HARS1: variants seen among roughly 807,000 people sequenced by gnomAD.
HARS1 encodes histidyl-tRNA synthetase 1, also known as histidine--tRNA ligase, cytoplasmic.
HARS1 carries 45 observed loss-of-function variants against 63.6 expected under a neutral mutation model. The observed-to-expected ratio is 0.71, with a 90% CI of 0.56 to 0.91. The LOEUF (loss-of-function observed/expected upper bound fraction) is 0.91, where lower values mean the gene tolerates loss of function less well. Among genes scored for constraint, HARS1 ranks in the 40% least tolerant of loss-of-function variants. The pLI, the probability that HARS1 is intolerant of heterozygous loss-of-function variation, is 0.00. For missense variants in HARS1, 508 were observed against 643.2 expected, an observed-to-expected ratio of 0.79 and a Z score of 2.27; for synonymous variants, 205 against 247.1, an observed-to-expected ratio of 0.83 and a Z score of 1.60.
Position 140,691,228 on chromosome 5 carries a change from G to T in HARS1, c.77C>A (p.Ala26Asp). Residue 26 changes from alanine (A) to aspartate (D), a missense_variant, in exon 1 of 13, where the codon GCC (alanine) becomes GAC (aspartate). Around this residue, in one of 2 missense-constraint regions of HARS1, gnomAD observed 105 missense variants for 94.5 expected, o/e 1.11. Coordinates refer to ENST00000504156, the MANE Select transcript of HARS1 (RefSeq NM_002109.6). The stretch of plus-strand genomic sequence containing the variant: ...CCTAAATCTCACCAGCTCGGCGCTG[G>T]CCTTCTGCTGCTTGAGGCCTCGCAC... ...ERVRGLKQQKASAELIEEEVA... is the reference protein window; with the variant it reads ...ERVRGLKQQKDSAELIEEEVA... The T allele has an allele frequency of 6.2e-7, 1 of 1,604,724 alleles. No individual in the cohort carries two copies.
chr5:140,684,002 C>T (rs909481011), intron 2 of HARS1: 4 of 151,964 alleles, frequency 2.6e-5, no homozygotes, highest in African/African-American at 9.7e-5. Flanking sequence ...ACAAAACAAA[C>T]CAACCAGCCG....
intron 3 of HARS1, among the ~76,000 whole-genome samples, chr5:140,681,962 A>G (rs1581514689): frequency 6.6e-6 from 1 of 152,258 alleles, no homozygotes; most frequent in African/African-American, 2.4e-5. Flanking sequence ...AGATAATTTC[A>G]GACAGTTTTA....
At chr5:140,674,852 A>AGGCTGGCT (rs749414323) in intron 11 of HARS1, 27 bp from the exon 12 acceptor site, 1 of 1,613,314 alleles carries the variant, frequency 6.2e-7, no homozygotes, top group African/African-American at 1.3e-5. Flanking sequence ...CAGAAGATGA[A>AGGCTGGCT]GGCTGGCTTC....
chr5:140,680,426 C>T (rs977354333), intron 3 of HARS1, among the ~76,000 whole-genome samples: 5 of 152,112 alleles, frequency 3.3e-5, no homozygotes, highest in East Asian at 1.9e-4. Context: ...ATTACAAGTG[C>T]GAGCCACAGC....
At chr5:140,678,190 T>G in intron 5 of HARS1, 175 bp from the exon 6 acceptor site, 1 of 599,930 alleles carries the variant, frequency 1.7e-6, no homozygotes, top group Non-Finnish European at 3.0e-6. Flanking sequence ...TCACCAGTTT[T>G]GGTTTCCTTT....
At chr5:140,682,177 G>A (rs183854085) in intron 3 of HARS1, among the ~76,000 whole-genome samples, 3 of 152,112 alleles carry the variant, frequency 2.0e-5, no homozygotes, top group East Asian at 1.9e-4. Flanking sequence ...CCAGGGGTTC[G>A]TTCGCAAGCA....
chr5:140,687,217 G>T (rs888614626), intron 2 of HARS1, among the ~76,000 whole-genome samples: 1 of 152,116 alleles, frequency 6.6e-6, no homozygotes, highest in Non-Finnish European at 1.5e-5. Context: ...GTCCTCAAGG[G>T]TCAAGATTCA....
intron 10 of HARS1, 73 bp from the exon 11 acceptor site, chr5:140,675,206 A>G: frequency 1.0e-6 from 1 of 976,972 alleles, no homozygotes; most frequent in South Asian, 1.3e-5. Flanking sequence ...TCTAGTCGGG[A>G]TTTTGAGACC....
In HARS1 at chr5:140,679,867, T is replaced by C. The variant is rs1281935760; in HGVS notation, c.317A>G (p.Lys106Arg). The C allele has an allele frequency of 1.9e-6, 3 of 1,596,440 alleles. No homozygotes were observed. The highest frequency in any genetic ancestry group is 3.3e-5 in the Admixed American group (2 of 59,902). Residue 106 changes from lysine (K) to arginine (R), a missense_variant, in exon 4 of 13, where the codon AAG (lysine) becomes AGG (arginine). Physicochemically the swap from Lys to Arg is conservative, Grantham distance 26 (BLOSUM62 2). Coordinates refer to ENST00000504156, the MANE Select transcript of HARS1 (RefSeq NM_002109.6). The surrounding 1 kb of genome is among the most constrained non-coding windows in gnomAD (Gnocchi z 4.3). ...GATAAGCTTGGAGTCTTCCCCATAC[T>C]TTCCCATCAGTGTTTCCTGGAGAAA... ...VFELKETLMG[K>R]YGEDSKLIYD...
chr5:140,677,412 C>T lies in HARS1; in HGVS notation c.738G>A (p.Trp246Ter), dbSNP rs1413731817. The T allele has an allele frequency of 1.2e-6, 2 of 1,612,810 alleles. No individual in the cohort carries two copies. The highest frequency in any genetic ancestry group is 1.3e-5 in the African/African-American group (1 of 74,862). The change falls in exon 8 of 13, where the codon TGG becomes TGA. Residue 246 changes from tryptophan to a stop codon, truncating the protein, a stop_gained. Coordinates refer to ENST00000504156, the MANE Select transcript of HARS1 (RefSeq NM_002109.6). LOFTEE classifies it high-confidence loss of function. ...CCACCATCTCATTCTTCACCTCTTCCCAGGACACCTAGGCAGACAGACACC... is the reference window on the plus strand; with the variant it reads ...CCACCATCTCATTCTTCACCTCTTCTCAGGACACCTAGGCAGACAGACACC... ...SSVDKLDKVS[W>*]EEVKNEMVGE...
chr5:140,680,889 T>C (rs780966114), intron 3 of HARS1, among the ~76,000 whole-genome samples: 14 of 149,802 alleles, frequency 9.3e-5, no homozygotes, highest in Non-Finnish European at 2.1e-4. Context: ...TATTTAGGTA[T>C]ATAGCTCTTT....
At chr5:140,686,942 T>C (rs1454994189) in intron 2 of HARS1, among the ~76,000 whole-genome samples, 1 of 152,262 alleles carries the variant, frequency 6.6e-6, no homozygotes, top group African/African-American at 2.4e-5. Context: ...ATTTTTTCAC[T>C]GCCTACAAGT....
In HARS1 at chr5:140,676,914, T is replaced by C. The variant is rs1351807021; in HGVS notation, c.952-18A>G. 2 of 1,612,866 alleles carry C rather than the reference T, an allele frequency of 1.2e-6. No homozygotes were observed. The highest frequency in any genetic ancestry group is 1.7e-5 in the Admixed American group (1 of 59,924). Reference sequence around the variant, plus strand: ...AAGGAGATCTGTGGAGATAAGAAAATGGTCAGTGCCAGATTAAGATCAGGG... The same window carrying C: ...AAGGAGATCTGTGGAGATAAGAAAACGGTCAGTGCCAGATTAAGATCAGGG... On this transcript the variant is annotated intron_variant, in intron 9 of 12. Transcript: ENST00000504156. The surrounding 1 kb of genome is among the most constrained non-coding windows in gnomAD (Gnocchi z 4.1).
chr5:140,683,561 G>A, intron 2 of HARS1: 4 of 1,021,790 alleles, frequency 3.9e-6, no homozygotes, highest in Non-Finnish European at 4.8e-6. Flanking sequence ...GCCAGGCACA[G>A]TGGCTCACGC....
chr5:140,679,775 T>G lies in HARS1; in HGVS notation c.396+13A>C. 1 of 1,467,700 alleles carries G rather than the reference T, an allele frequency of 6.8e-7. No homozygotes were observed. The highest frequency in any genetic ancestry group is 9.5e-7 in the Non-Finnish European group (1 of 1,052,176). The allele number at this position is 1,467,700 out of a possible 1,614,324, so 90.9% of individuals were successfully genotyped here. A position where few individuals can be genotyped will look rare whatever the true frequency, so the allele number is the denominator to read the frequency against. On this transcript the variant is annotated intron_variant, in intron 4 of 12. Coordinates refer to ENST00000504156, the MANE Select transcript of HARS1 (RefSeq NM_002109.6). This position sits in a 1 kb window ranked among gnomAD's most constrained non-coding sequence, Gnocchi z 4.3. ...CCATCCAAAGTCTCAAGAGCCCAAG[T>G]TTAGAAAGATACAGTGAGGTCATAG...
intron 10 of HARS1, chr5:140,675,573 T>TG (rs1241018081): frequency 1.3e-5 from 2 of 152,474 alleles, no homozygotes; most frequent in African/African-American, 4.8e-5. Context: ...AAAAAATTTT[T>TG]TTTTTTAATC....
At chr5:140,681,365 G>A (rs1442815070) in intron 3 of HARS1, among the ~76,000 whole-genome samples, 1 of 152,092 alleles carries the variant, frequency 6.6e-6, no homozygotes, top group Non-Finnish European at 1.5e-5. Context: ...GAGGGAAGAC[G>A]ATGTAAAGAC....
Position 140,677,308 on chromosome 5 carries a change from GC to G in HARS1, c.823+18del. ...GGGCAGTGGGACGGCTGCTGGGGAG[GC>G]TTGGTTCTGTTCCTCACCATGTTGC... On this transcript the variant is annotated intron_variant, in intron 8 of 12. Transcript: ENST00000504156. The G allele has an allele frequency of 6.3e-7, 1 of 1,580,868 alleles. No homozygotes were observed. The highest frequency in any genetic ancestry group is 8.7e-7 in the Non-Finnish European group (1 of 1,150,402).
rs770595176 is a variant in HARS1, at chr5:140,677,989, A to G, written c.549T>C (p.Asp183=). The change falls in exon 6 of 13, where the codon GAT becomes GAC. Residue 183 remains aspartate, a synonymous_variant. Coordinates refer to ENST00000504156, the MANE Select transcript of HARS1 (RefSeq NM_002109.6). ...GGCACTCTGCATCAGGGATCATGGGATCAAAGTTCCCAGCAATGTCAAAAT... is the reference window on the plus strand; with the variant it reads ...GGCACTCTGCATCAGGGATCATGGGGTCAAAGTTCCCAGCAATGTCAAAAT... ...QCDFDIAGNF[D]PMIPDAECLK... is the part of the protein sequence containing the mutation. The G allele has an allele frequency of 6.2e-6, 10 of 1,608,968 alleles. No individual in the cohort carries two copies. Among genetic ancestry groups the G allele is most frequent in the Non-Finnish European group, 8.5e-6 (10 of 1,175,408 alleles).
Sources: gnomAD v4.1 joint callset for allele counts (sites outside exome capture counted in the v4.1 genomes callset) on GRCh38, gnomAD v4.1.1 for gene constraint, gnomAD v4.1.1 regional missense constraint, Gnocchi (gnomAD v3.1) non-coding constraint, MANE v1.5 for transcripts, NCBI Gene and HGNC (gene_info 2026-07-23, HGNC 2026-07-21) for gene names.